IL1RAPL1: variants seen among roughly 807,000 people sequenced by gnomAD.
IL1RAPL1 encodes interleukin 1 receptor accessory protein like 1.
Under a neutral mutation model 48.4 loss-of-function variants are expected in IL1RAPL1, and 3 were observed. The ratio of observed to expected loss-of-function variants is 0.06; its 90% CI spans 0.03 to 0.16. The LOEUF is 0.16. Ranked by LOEUF, IL1RAPL1 falls within the 10% of genes least tolerant of loss-of-function variation. The pLI is 1.00. For missense variants in IL1RAPL1, 349 were observed against 530.6 expected (o/e 0.66, Z 3.36); for synonymous variants, 185 against 187.7 (o/e 0.99, Z 0.12).
At chrX:29,805,004 T>C (rs1930218132) in intron 6 of IL1RAPL1, among the ~76,000 whole-genome samples, 1 of 112,589 alleles carries the variant, frequency 8.9e-6, no homozygotes, top group African/African-American at 3.2e-5. Flanking sequence ...GAAAAAATAA[T>C]ATTAAACTTT....
At chrX:29,435,937 G>A (rs1802843678) in intron 5 of IL1RAPL1, among the ~76,000 whole-genome samples, 2 of 110,339 alleles carry the variant, frequency 1.8e-5, no homozygotes, top group South Asian at 7.4e-4. Context: ...AAAAGATCAT[G>A]CTTTTATAGA....
chrX:29,927,180 C>T (rs897417879), intron 8 of IL1RAPL1, among the ~76,000 whole-genome samples: 4 of 112,060 alleles, frequency 3.6e-5, no homozygotes, highest in Admixed American at 9.5e-5. Context: ...CAATTTCAAT[C>T]GAGTTCCTTA....
chrX:29,524,012 T>TA (rs1041408100), intron 5 of IL1RAPL1, among the ~76,000 whole-genome samples: 16 of 109,504 alleles, frequency 1.5e-4, no homozygotes, highest in African/African-American at 3.6e-4. Flanking sequence ...ATCTATAAAC[T>TA]AAAAAAAAAT....
At chrX:29,902,654 C>A (rs184708145) in intron 6 of IL1RAPL1, among the ~76,000 whole-genome samples, 25 of 110,206 alleles carry the variant, frequency 2.3e-4, no homozygotes, top group Non-Finnish European at 3.6e-4. Context: ...AATACTACTA[C>A]TAATAATAAT....
At chrX:29,269,720 A>G (rs1002344005) in intron 2 of IL1RAPL1, among the ~76,000 whole-genome samples, 3 of 107,193 alleles carry the variant, frequency 2.8e-5, no homozygotes, top group South Asian at 4.1e-4. Context: ...CCTACATTCT[A>G]TTGTCAACCA....
chrX:29,613,117 T>A (rs752046994), intron 5 of IL1RAPL1, among the ~76,000 whole-genome samples: 17 of 112,425 alleles, frequency 1.5e-4, no homozygotes, highest in Non-Finnish European at 2.8e-4. Context: ...AATAAAAATA[T>A]AATGACAGCC....
chrX:29,324,611 G>A (rs755260512), intron 3 of IL1RAPL1, among the ~76,000 whole-genome samples: 16 of 111,606 alleles, frequency 1.4e-4, no homozygotes, highest in Non-Finnish European at 2.3e-4. Flanking sequence ...ACACATAAAG[G>A]TAGGGGGTAA....
chrX:29,065,921 A>G (rs1342505437), intron 2 of IL1RAPL1, among the ~76,000 whole-genome samples: 8 of 111,910 alleles, frequency 7.1e-5, no homozygotes, highest in Non-Finnish European at 1.1e-4. Flanking sequence ...TAGCATTGCC[A>G]TCATAATTTC....
At chrX:29,420,025 G>A (rs1054367065) in intron 5 of IL1RAPL1, among the ~76,000 whole-genome samples, 1 of 111,843 alleles carries the variant, frequency 8.9e-6, no homozygotes, top group Non-Finnish European at 1.9e-5. Context: ...TGACGAAGTA[G>A]ATATGCTTTT....
intron 5 of IL1RAPL1, among the ~76,000 whole-genome samples, chrX:29,504,028 T>C (rs1935302397): frequency 9.4e-6 from 1 of 106,036 alleles, no homozygotes; most frequent in Non-Finnish European, 1.9e-5. Context: ...TGGCGTGATC[T>C]CGACTCACTG....
At chrX:29,213,354 G>A (rs1930807877) in intron 2 of IL1RAPL1, among the ~76,000 whole-genome samples, 1 of 112,417 alleles carries the variant, frequency 8.9e-6, no homozygotes, top group Non-Finnish European at 1.9e-5. Context: ...ATGATCTCTT[G>A]TCTCAATTAC....
chrX:28,951,912 A>G (rs1270111934), intron 2 of IL1RAPL1, among the ~76,000 whole-genome samples: 1 of 111,197 alleles, frequency 9.0e-6, no homozygotes, highest in East Asian at 2.8e-4. Context: ...AATGACCTTA[A>G]TTATATGAGC....
intron 2 of IL1RAPL1, among the ~76,000 whole-genome samples, chrX:28,879,075 A>G (rs942733245): frequency 2.7e-5 from 3 of 112,015 alleles, no homozygotes; most frequent in African/African-American, 9.7e-5. Flanking sequence ...ATAATTTATA[A>G]CAAAGTCATT....
intron 2 of IL1RAPL1, among the ~76,000 whole-genome samples, chrX:28,916,538 C>G (rs1372161088): frequency 8.9e-6 from 1 of 112,326 alleles, no homozygotes; most frequent in East Asian, 2.8e-4. Flanking sequence ...AGATGCTCTG[C>G]ATGTGTTCTT....
At chrX:29,187,176 C>T (rs1930268086) in intron 2 of IL1RAPL1, among the ~76,000 whole-genome samples, 1 of 112,033 alleles carries the variant, frequency 8.9e-6, no homozygotes, top group Admixed American at 9.5e-5. Flanking sequence ...AGTATTTAGC[C>T]ATTCCTCTGT....
intron 3 of IL1RAPL1, among the ~76,000 whole-genome samples, chrX:29,381,693 GCAGTCT>G (rs1480963664): frequency 2.0e-5 from 2 of 102,542 alleles, no homozygotes; most frequent in Admixed American, 2.2e-4. Flanking sequence ...GCACATTCCT[GCAGTCT>G]CAGCTACTCA....
intron 2 of IL1RAPL1, among the ~76,000 whole-genome samples, chrX:28,806,794 A>T (rs771343223): frequency 9.0e-6 from 1 of 111,347 alleles, no homozygotes; most frequent in South Asian, 3.7e-4. Flanking sequence ...TTAATGATAC[A>T]TGATTTTATT....
intron 1 of IL1RAPL1, among the ~76,000 whole-genome samples, chrX:28,734,320 C>T (rs894976424): frequency 7.2e-5 from 8 of 111,244 alleles, no homozygotes; most frequent in Non-Finnish European, 1.3e-4. Context: ...TTTACAATGG[C>T]TTCCATGGAT....
chrX:29,327,258 T>C (rs917582898), intron 3 of IL1RAPL1, among the ~76,000 whole-genome samples: 1 of 111,084 alleles, frequency 9.0e-6, no homozygotes, highest in Non-Finnish European at 1.9e-5. Context: ...AAAAAAGAAA[T>C]TCAATTTATA....
Sources: gnomAD v4.1 joint callset for allele counts (sites outside exome capture counted in the v4.1 genomes callset) on GRCh38, gnomAD v4.1.1 for gene constraint, MANE v1.5 for transcripts, NCBI Gene and HGNC (gene_info 2026-07-23, HGNC 2026-07-21) for gene names.